SPATS2L: variants seen among roughly 807,000 people sequenced by gnomAD.
SPATS2L encodes the protein spermatogenesis associated serine rich 2 like, also known as SPATS2-like protein.
Under a neutral mutation model 59.6 loss-of-function variants are expected in SPATS2L, and 30 were observed. That is an observed-to-expected ratio of 0.50 (90% confidence interval 0.38 to 0.68). The LOEUF is 0.68. SPATS2L is among the 30% of genes least tolerant of loss of function. The pLI, the probability that SPATS2L is intolerant of heterozygous loss-of-function variation, is 0.00. For missense variants in SPATS2L, 615 were observed against 700.0 expected (o/e 0.88, Z 1.37); for synonymous variants, 252 against 263.5 (o/e 0.96, Z 0.42).
chr2:200,306,624 C>T, upstream of SPATS2L: 1 of 846,758 alleles, frequency 1.2e-6, no homozygotes, highest in Non-Finnish European at 1.4e-6. Context: ...GAGGGGAAGG[C>T]GGGCGGGTCG....
intron 2 of SPATS2L, among the ~76,000 whole-genome samples, chr2:200,342,722 T>C (rs1372435816): frequency 6.6e-6 from 1 of 152,224 alleles, no homozygotes; most frequent in Non-Finnish European, 1.5e-5. Context: ...GTTTGGGGGC[T>C]TTTCCAAGCG....
upstream of SPATS2L, chr2:200,306,532 CGA>C: frequency 8.0e-6 from 8 of 1,002,224 alleles, no homozygotes; most frequent in Non-Finnish European, 9.6e-6. Context: ...ATACAAAACC[CGA>C]GAGAGGCGTG....
intron 8 of SPATS2L, among the ~76,000 whole-genome samples, chr2:200,442,126 G>A (rs1045970742): frequency 3.3e-5 from 5 of 152,108 alleles, no homozygotes; most frequent in South Asian, 2.1e-4. Flanking sequence ...GGATGTCAAC[G>A]AAAGTCTTCT....
At chr2:200,322,465 C>A (rs1217512350) in intron 1 of SPATS2L, among the ~76,000 whole-genome samples, 3 of 152,152 alleles carry the variant, frequency 2.0e-5, no homozygotes, top group African/African-American at 7.2e-5. Context: ...TAAGCTGATA[C>A]ATCAGGAAAG....
At chr2:200,413,549 T>C (rs1372245023) in intron 4 of SPATS2L, among the ~76,000 whole-genome samples, 2 of 152,222 alleles carry the variant, frequency 1.3e-5, no homozygotes, top group Admixed American at 6.5e-5. Context: ...AGTTTCTATT[T>C]TGTAAATATG....
At chr2:200,323,336 A>G (rs1338452055) in intron 1 of SPATS2L, among the ~76,000 whole-genome samples, 1 of 152,224 alleles carries the variant, frequency 6.6e-6, no homozygotes, top group East Asian at 1.9e-4. Context: ...TGGTTCACCC[A>G]AAAGTTTGCT....
intron 3 of SPATS2L, among the ~76,000 whole-genome samples, chr2:200,405,139 C>G (rs1213259941): frequency 6.6e-6 from 1 of 152,180 alleles, no homozygotes; most frequent in Non-Finnish European, 1.5e-5. Flanking sequence ...CCTGGACAAG[C>G]AGCATTTACA....
chr2:200,434,481 CA>C (rs200776752), intron 6 of SPATS2L, among the ~76,000 whole-genome samples: 3 of 149,076 alleles, frequency 2.0e-5, no homozygotes, highest in African/African-American at 2.5e-5. Flanking sequence ...AAGAAATCTA[CA>C]AAAAAAAATA....
At chr2:200,444,131 G>C (rs922985123) in intron 8 of SPATS2L, among the ~76,000 whole-genome samples, 3 of 152,158 alleles carry the variant, frequency 2.0e-5, no homozygotes, top group African/African-American at 4.8e-5. Context: ...GAACTAACAT[G>C]AAACAGCTGG....
chr2:200,371,610 T>G (rs2081428687), intron 2 of SPATS2L, among the ~76,000 whole-genome samples: 1 of 152,132 alleles, frequency 6.6e-6, no homozygotes, highest in South Asian at 2.1e-4. Flanking sequence ...CTATGTCAAA[T>G]GAGGAATAAG....
intron 11 of SPATS2L, among the ~76,000 whole-genome samples, chr2:200,470,596 C>T (rs2086951799): frequency 1.3e-5 from 2 of 152,140 alleles, no homozygotes; most frequent in Non-Finnish European, 2.9e-5. Flanking sequence ...CTACACCAGC[C>T]CACCCACAAG....
intron 6 of SPATS2L, among the ~76,000 whole-genome samples, chr2:200,436,534 G>T (rs779707696): frequency 2.0e-5 from 3 of 152,114 alleles, no homozygotes; most frequent in African/African-American, 2.4e-5. Flanking sequence ...ATATCTGATG[G>T]GGAATGTTGA....
At chr2:200,326,009 G>A (rs76913544) in intron 1 of SPATS2L, among the ~76,000 whole-genome samples, 5,891 of 152,258 alleles carry the variant, frequency 0.039, 164 homozygotes, top group East Asian at 0.14. Context: ...CAAGGCACAT[G>A]CTATTGTTTA....
At chr2:200,366,256 A>G (rs1459341091) in intron 2 of SPATS2L, among the ~76,000 whole-genome samples, 1 of 152,204 alleles carries the variant, frequency 6.6e-6, no homozygotes, top group Non-Finnish European at 1.5e-5. Flanking sequence ...ATCCACTTAC[A>G]TACATTAACA....
At chr2:200,430,287 T>A (rs1289945884) in intron 6 of SPATS2L, among the ~76,000 whole-genome samples, 1 of 152,134 alleles carries the variant, frequency 6.6e-6, no homozygotes, top group Non-Finnish European at 1.5e-5. Context: ...TTAATTAAAT[T>A]TTTGTAAGTT....
chr2:200,318,997 T>C, intron 1 of SPATS2L, among the ~76,000 whole-genome samples: 1 of 152,218 alleles, frequency 6.6e-6, no homozygotes, highest in East Asian at 1.9e-4. Context: ...CAAGCACAGG[T>C]GGACACAGAT....
chr2:200,378,752 C>T (rs1235727393), intron 2 of SPATS2L, among the ~76,000 whole-genome samples: 1 of 152,174 alleles, frequency 6.6e-6, no homozygotes, highest in East Asian at 1.9e-4. Flanking sequence ...TATTCCATGA[C>T]AACCGAGCCA....
intron 9 of SPATS2L, chr2:200,460,718 T>G (rs2086175642): frequency 6.6e-6 from 1 of 151,232 alleles, no homozygotes; most frequent in Non-Finnish European, 1.5e-5. Context: ...ACCACTGCAC[T>G]CCAGCCTAGG....
chr2:200,370,268 A>G (rs2081387457), intron 2 of SPATS2L, among the ~76,000 whole-genome samples: 1 of 152,272 alleles, frequency 6.6e-6, no homozygotes, highest in Non-Finnish European at 1.5e-5. Flanking sequence ...CAAGAAGTCA[A>G]GCAGGACTAA....
Sources: allele counts gnomAD v4.1 joint callset (sites outside exome capture counted in the v4.1 genomes callset), GRCh38; gene constraint gnomAD v4.1.1; transcripts MANE v1.5; gene names NCBI Gene and HGNC (gene_info 2026-07-23, HGNC 2026-07-21).